NDUFV3: variants seen among roughly 807,000 people sequenced by gnomAD.
The protein encoded by NDUFV3 is NADH dehydrogenase [ubiquinone] flavoprotein 3, mitochondrial.
NDUFV3 carries 44 observed loss-of-function variants against 37.5 expected under a neutral mutation model. The ratio of observed to expected loss-of-function variants is 1.17; its 90% CI spans 0.92 to 1.51. The LOEUF (loss-of-function observed/expected upper bound fraction) is 1.51, where lower values mean the gene tolerates loss of function less well. Among genes scored for constraint, NDUFV3 ranks in the 40% most tolerant of loss-of-function variants. The pLI is 0.00. For synonymous variants in NDUFV3, 235 were observed against 239.3 expected, an observed-to-expected ratio of 0.98 and a Z score of 0.17; for missense variants, 580 against 580.4, an observed-to-expected ratio of 1.00 and a Z score of 0.01.
In NDUFV3 at chr21:42,903,847, A is replaced by G. The variant is rs141329399; in HGVS notation, c.835A>G (p.Lys279Glu). Residue 279 changes from lysine to glutamate, a missense_variant, in exon 3 of 4, where the codon AAA (lysine) becomes GAA (glutamate). Lys to Glu is a moderately conservative substitution (Grantham distance 56). Coordinates refer to ENST00000354250, the MANE Select transcript of NDUFV3 (RefSeq NM_021075.4). ...QKTFRLNEID[K>E]ESQKPFEVKG... ...AACATTTAGATTAAATGAAATAGAT[A>G]AAGAAAGCCAAAAGCCATTTGAAGT... 8.0e-5 allele frequency: 129 copies of G among 1,613,016 alleles called. No individual in the cohort carries two copies. In the African/African-American group the frequency reaches 1.5e-3, roughly 18 times the overall value.
intron 3 of NDUFV3, among the ~76,000 whole-genome samples, chr21:42,907,054 A>AT (rs2058745185): frequency 6.6e-6 from 1 of 151,808 alleles, no homozygotes; most frequent in African/African-American, 2.4e-5. Flanking sequence ...ATTTACAGAA[A>AT]TTGAGTCAGT....
chr21:42,906,346 G>A (rs573138631), intron 3 of NDUFV3, among the ~76,000 whole-genome samples: 5 of 152,108 alleles, frequency 3.3e-5, no homozygotes, highest in East Asian at 1.9e-4. Context: ...CCTCTGTACC[G>A]CCGCCCCTTG....
rs571014971 is a variant in NDUFV3, at chr21:42,893,598, C to T, written c.48+217C>T. On this transcript the variant is annotated intron_variant, in intron 1 of 3. Coordinates refer to ENST00000354250, the MANE Select transcript of NDUFV3 (RefSeq NM_021075.4). ...CCCGCGGTTCCCCCGAGCCGGTCCG[C>T]CGCCGCCGCTGCCCGAGGCCCAGGC... is the stretch of plus-strand genomic sequence containing the variant. Among the ~76,000 whole-genome samples the T allele has an allele frequency of 7.2e-5, 11 of 152,292 alleles. No homozygotes were observed. In the South Asian group the frequency reaches 2.1e-3, roughly 29 times the overall value.
intron 1 of NDUFV3, among the ~76,000 whole-genome samples, chr21:42,894,977 G>A (rs1361789047): frequency 1.3e-5 from 2 of 152,054 alleles, no homozygotes; most frequent in Non-Finnish European, 2.9e-5. Context: ...AGACACTTTT[G>A]AAGCAGTTTT....
rs61202458 is a variant in NDUFV3, at chr21:42,894,346, TATATAA to T, written c.48+971_48+976del. 2.5e-3 allele frequency among the ~76,000 whole-genome samples: 120 copies of T among 47,206 alleles called. 22 individuals carry two copies. The East Asian group carries it at 0.031, about 12-fold the overall frequency. The allele number at this position is 47,206 out of a possible 152,430, so 31.0% of individuals were successfully genotyped here. On this transcript the variant is annotated intron_variant, in intron 1 of 3. Transcript: ENST00000354250. Reference sequence around the variant, plus strand: ...ATATAAATACATATTATATATATTATATATAAATATATATTATATATATATTTATAT... The same window carrying T: ...ATATAAATACATATTATATATATTATATATATATTATATATATATTTATAT...
At chr21:42,905,856 T>A (rs951866613) in intron 3 of NDUFV3, among the ~76,000 whole-genome samples, 1 of 131,170 alleles carries the variant, frequency 7.6e-6, no homozygotes, top group African/African-American at 3.0e-5. Context: ...ATTCCTATGA[T>A]GTTACCATTT....
At chr21:42,897,134 C>T in intron 2 of NDUFV3, 87 bp downstream of exon 2, 1 of 1,446,910 alleles carries the variant, frequency 6.9e-7, no homozygotes, top group Admixed American at 1.8e-5. Flanking sequence ...GTGAGTTTTA[C>T]TAGCTACGTA....
rs754555161 is a variant in NDUFV3, at chr21:42,893,320, C to G, written c.-14C>G. The G allele has an allele frequency of 1.3e-6, 2 of 1,537,564 alleles. No homozygotes were observed. The highest frequency in any genetic ancestry group is 1.7e-6 in the Non-Finnish European group (2 of 1,146,332). On this transcript the variant is annotated 5_prime_UTR_variant, in exon 1 of 4. Coordinates refer to ENST00000354250, the MANE Select transcript of NDUFV3 (RefSeq NM_021075.4). Reference sequence around the variant, plus strand: ...GCTGCTGTGGCCCTGCTTGGTGCGCCCGCTGTCACCGCCATGGCTGCCCCG... The same window carrying G: ...GCTGCTGTGGCCCTGCTTGGTGCGCGCGCTGTCACCGCCATGGCTGCCCCG...
chr21:42,900,592 T>C (rs999602683), intron 2 of NDUFV3, among the ~76,000 whole-genome samples: 3 of 152,144 alleles, frequency 2.0e-5, no homozygotes, highest in African/African-American at 7.2e-5. Context: ...CCCTGAAGTG[T>C]TGGTAGTTGG....
At chr21:42,901,306 G>A (rs2058716883) in intron 2 of NDUFV3, among the ~76,000 whole-genome samples, 1 of 152,082 alleles carries the variant, frequency 6.6e-6, no homozygotes, top group Admixed American at 6.6e-5. Flanking sequence ...GCCGGGCGTG[G>A]TGGTGCATGC....
chr21:42,904,094 A>G lies in NDUFV3; in HGVS notation c.1082A>G (p.Glu361Gly), dbSNP rs1190695631. The change falls in exon 3 of 4, where the codon GAA becomes GGA. Residue 361 changes from glutamate (E) to glycine (G), a missense_variant. Glu to Gly is a moderately conservative substitution (Grantham distance 98, BLOSUM62 -2). Transcript: ENST00000354250. ...GAAACCTCAGGGACGCAGGGAATAG[A>G]AGGCCACCTGAAGGGTGGACAGGCA... ...RKETSGTQGI[E>G]GHLKGGQAIV... 1 of 1,614,118 alleles carries G rather than the reference A, an allele frequency of 6.2e-7. No homozygotes were observed. The highest frequency in any genetic ancestry group is 1.3e-5 in the African/African-American group (1 of 74,948).
intron 2 of NDUFV3, among the ~76,000 whole-genome samples, chr21:42,899,097 C>T (rs1277167478): frequency 6.6e-6 from 1 of 152,148 alleles, no homozygotes; most frequent in African/African-American, 2.4e-5. Flanking sequence ...ACGGGCCCTG[C>T]AGGCCTCTGA....
Position 42,903,541 on chromosome 21 carries a change from GT to G in NDUFV3, c.530del (p.Val177GlyfsTer2), listed in dbSNP as rs1320256559. Reference sequence around the variant, plus strand: ...TGACGTTTCAGAGGTCACTCCTCGAGTGGTGAGCAAAGGCAGAGGGGGGCTT... The same window carrying G: ...TGACGTTTCAGAGGTCACTCCTCGAGGGTGAGCAAAGGCAGAGGGGGGCTT... ...EADVSEVTPR[V>X]VSKGRGGLRK... On this transcript the variant is annotated frameshift_variant, in exon 3 of 4. Transcript: ENST00000354250. LOFTEE classifies it high-confidence loss of function. 6.2e-6 allele frequency: 10 copies of G among 1,614,136 alleles called. No individual in the cohort carries two copies. The highest frequency in any genetic ancestry group is 7.6e-6 in the Non-Finnish European group (9 of 1,180,030).
At chr21:42,895,507 C>T (rs545586716) in intron 1 of NDUFV3, among the ~76,000 whole-genome samples, 3 of 151,764 alleles carry the variant, frequency 2.0e-5, no homozygotes, top group Non-Finnish European at 4.4e-5. Context: ...AAAACATTAG[C>T]CAGGTGCGGT....
At chr21:42,896,906 A>G (rs2058694052) in intron 1 of NDUFV3, 21 bp from the exon 2 acceptor site, 1 of 1,605,964 alleles carries the variant, frequency 6.2e-7, no homozygotes, top group African/African-American at 1.3e-5. Flanking sequence ...AAACATCCAT[A>G]TTCATTAATT....
At chr21:42,893,477 C>A in intron 1 of NDUFV3, 96 bp downstream of exon 1, 1 of 1,401,518 alleles carries the variant, frequency 7.1e-7, no homozygotes, top group Non-Finnish European at 9.7e-7. Context: ...CGGGCCTGTC[C>A]GCGACCTCTA....
At position 42,909,383 on chromosome 21, in the gene NDUFV3, C is replaced by G. The variant is rs1045821054; in HGVS notation, c.*362C>G. 2 of 321,730 alleles carry G rather than the reference C, an allele frequency of 6.2e-6. No individual in the cohort carries two copies. The highest frequency in any genetic ancestry group is 4.4e-5 in the Admixed American group (1 of 22,682). 19.9% of individuals were successfully genotyped at this position (321,730 alleles called of 1,614,324 possible). A position where few individuals can be genotyped will look rare whatever the true frequency, so the allele number is the denominator to read the frequency against. ...TCTCGAACTCCTGACCTCAGATGGT[C>G]TGCCCACCTCCGCCTCCCAAAGTGC... On this transcript the variant is annotated 3_prime_UTR_variant, in exon 4 of 4. Coordinates refer to ENST00000354250, the MANE Select transcript of NDUFV3 (RefSeq NM_021075.4).
At chr21:42,897,232 C>T (rs1267911397) in intron 2 of NDUFV3, among the ~76,000 whole-genome samples, 185 bp downstream of exon 2, 4 of 152,156 alleles carry the variant, frequency 2.6e-5, no homozygotes, top group African/African-American at 9.7e-5. Context: ...TCAGTCATGT[C>T]GTAGTCTTTG....
chr21:42,905,609 G>T (rs990543632), intron 3 of NDUFV3, among the ~76,000 whole-genome samples: 6 of 151,704 alleles, frequency 4.0e-5, no homozygotes, highest in African/African-American at 1.5e-4. Flanking sequence ...TCCGCCTCCT[G>T]GGTTCAAGTG....
Sources: allele counts gnomAD v4.1 joint callset (sites outside exome capture counted in the v4.1 genomes callset), GRCh38; gene constraint gnomAD v4.1.1; transcripts MANE v1.5; gene names NCBI Gene and HGNC (gene_info 2026-07-23, HGNC 2026-07-21).